The following CTXN2 variants were observed in gnomAD, a reference collection of about 807,000 sequenced individuals.
The protein encoded by CTXN2 is cortexin-2.
CTXN2 carries 3 observed loss-of-function variants against 5.7 expected under a neutral mutation model. The observed-to-expected ratio is 0.53, with a 90% CI of 0.24 to 1.36. CTXN2 has a LOEUF of 1.36. Among genes scored for constraint, CTXN2 ranks in the 40% most tolerant of loss-of-function variants. The pLI is 0.17. For missense variants in CTXN2, 87 were observed against 93.0 expected, an observed-to-expected ratio of 0.94 and a Z score of 0.26; for synonymous variants, 38 against 36.4, an observed-to-expected ratio of 1.04 and a Z score of -0.16.
At chr15:48,195,524 C>A (rs887239555) in intron 1 of CTXN2, among the ~76,000 whole-genome samples, 3 of 152,114 alleles carry the variant, frequency 2.0e-5, no homozygotes, top group Admixed American at 6.6e-5. Context: ...TTCCCATACT[C>A]CCCCTTGCCT....
intron 1 of CTXN2, among the ~76,000 whole-genome samples, chr15:48,200,220 G>A (rs561441778): frequency 4.6e-5 from 7 of 152,168 alleles, no homozygotes; most frequent in African/African-American, 9.6e-5. Context: ...TCTATTATTC[G>A]CAGTTATTGG....
intron 1 of CTXN2, among the ~76,000 whole-genome samples, chr15:48,200,856 A>G (rs1387986648): frequency 6.6e-6 from 1 of 152,178 alleles, no homozygotes; most frequent in African/African-American, 2.4e-5. Context: ...AGCAGCTTAC[A>G]TGCTATGATT....
At chr15:48,200,636 T>C (rs527510244) in intron 1 of CTXN2, among the ~76,000 whole-genome samples, 1 of 152,302 alleles carries the variant, frequency 6.6e-6, no homozygotes, top group East Asian at 1.9e-4. Context: ...ACTGCCTGCA[T>C]TAATGTAATT....
At chr15:48,198,267 A>G (rs1392895371) in intron 1 of CTXN2, among the ~76,000 whole-genome samples, 1 of 152,138 alleles carries the variant, frequency 6.6e-6, no homozygotes, top group African/African-American at 2.4e-5. Flanking sequence ...AATCAAATAA[A>G]AATTTTCTTT....
At chr15:48,192,768 A>G (rs778760307) in intron 1 of CTXN2, among the ~76,000 whole-genome samples, 3 of 152,212 alleles carry the variant, frequency 2.0e-5, no homozygotes, top group African/African-American at 4.8e-5. Context: ...ATTGTTTGGA[A>G]TACCATTACT....
At chr15:48,192,237 A>T (rs571219714) in intron 1 of CTXN2, 2 of 162,736 alleles carry the variant, frequency 1.2e-5, no homozygotes, top group Non-Finnish European at 2.7e-5. Flanking sequence ...CTTTAATGAG[A>T]TATCTGGAGA....
chr15:48,192,941 A>G (rs902775631), intron 1 of CTXN2, among the ~76,000 whole-genome samples: 1 of 152,206 alleles, frequency 6.6e-6, no homozygotes, highest in Non-Finnish European at 1.5e-5. Context: ...TAGTAAGGTT[A>G]TTTCACAGAA....
chr15:48,190,792 G>A (rs937167511), upstream of CTXN2: 11 of 152,264 alleles, frequency 7.2e-5, no homozygotes, highest in African/African-American at 2.6e-4. Flanking sequence ...TTGTTGAAAC[G>A]GCCAGACCCC....
chr15:48,185,969 TA>T (rs1465441163), intron 1 of CTXN2, among the ~76,000 whole-genome samples: 2 of 152,224 alleles, frequency 1.3e-5, no homozygotes, highest in African/African-American at 4.8e-5. Context: ...ATTTGCCAAT[TA>T]TTTTTTAACT....
In CTXN2 at chr15:48,203,025, G is replaced by A. The variant is rs1052168708; in HGVS notation, c.*1479G>A. 4.2e-5 allele frequency: 7 copies of A among 166,884 alleles called. No individual in the cohort carries two copies. The highest frequency in any genetic ancestry group is 7.3e-5 in the Non-Finnish European group (5 of 68,110). 10.3% of individuals were successfully genotyped at this position (166,884 alleles called of 1,614,324 possible). On this transcript the variant is annotated 3_prime_UTR_variant, in exon 2 of 2. Coordinates refer to ENST00000417307, the MANE Select transcript of CTXN2 (RefSeq NM_001145668.2). ...TATTTGATACTCTTATAAATTCTTTGAGTTGGAGACTACTATTTCCATTTT... is the reference window on the plus strand; with the variant it reads ...TATTTGATACTCTTATAAATTCTTTAAGTTGGAGACTACTATTTCCATTTT...
intron 1 of CTXN2, among the ~76,000 whole-genome samples, chr15:48,200,887 C>T (rs1020773500): frequency 7.2e-5 from 11 of 152,070 alleles, no homozygotes; most frequent in African/African-American, 2.4e-4. Context: ...TCTACCTACA[C>T]GTGCAAATAT....
intron 1 of CTXN2, among the ~76,000 whole-genome samples, chr15:48,179,290 A>G (rs777737915): frequency 4.6e-5 from 7 of 152,182 alleles, no homozygotes; most frequent in Admixed American, 4.6e-4. Flanking sequence ...TCATACACAC[A>G]TCAGTGGTAA....
At chr15:48,198,180 T>G (rs1567295116) in intron 1 of CTXN2, among the ~76,000 whole-genome samples, 1 of 152,150 alleles carries the variant, frequency 6.6e-6, no homozygotes, top group African/African-American at 2.4e-5. Context: ...TAAGTAAATT[T>G]GATAGAAAAG....
At chr15:48,188,167 TAAAAG>T (rs754155213), upstream of CTXN2, among the ~76,000 whole-genome samples, 8 of 151,858 alleles carry the variant, frequency 5.3e-5, no homozygotes, top group Non-Finnish European at 1.2e-4. Flanking sequence ...AACAAATAAT[TAAAAG>T]AAAATAATAT....
intron 1 of CTXN2, among the ~76,000 whole-genome samples, chr15:48,195,390 A>C (rs1267325048): frequency 6.6e-6 from 1 of 151,938 alleles, no homozygotes; most frequent in African/African-American, 2.4e-5. Context: ...TCTCCCTCAA[A>C]ATTATGTCTA....
In CTXN2 at chr15:48,201,224, G is replaced by A; in HGVS notation, c.-57-20G>A. On this transcript the variant is annotated intron_variant, in intron 1 of 1. Transcript: ENST00000417307. The stretch of plus-strand genomic sequence containing the variant: ...TACCATACAAGGGTAAAACTAAACT[G>A]AGTCCAATTTTGTACCTAGGCAAAG... 6.7e-6 allele frequency: 10 copies of A among 1,481,642 alleles called. No homozygotes were observed. The highest frequency in any genetic ancestry group is 1.4e-5 in the African/African-American group (1 of 71,354). 91.8% of individuals were successfully genotyped at this position (1,481,642 alleles called of 1,614,324 possible). A position where few individuals can be genotyped will look rare whatever the true frequency, so the allele number is the denominator to read the frequency against.
intron 1 of CTXN2, 189 bp downstream of exon 1, chr15:48,192,042 C>T (rs1046221155): frequency 8.8e-6 from 3 of 339,286 alleles, no homozygotes; most frequent in African/African-American, 6.5e-5. Flanking sequence ...AAAGGAGAAA[C>T]AGCACCCCTA....
intron 1 of CTXN2, among the ~76,000 whole-genome samples, chr15:48,196,081 T>G (rs2040876440): frequency 6.6e-6 from 1 of 152,142 alleles, no homozygotes; most frequent in African/African-American, 2.4e-5. Flanking sequence ...GTTATTACTT[T>G]CTATCATTTG....
At chr15:48,180,570 G>A (rs938448932) in intron 1 of CTXN2, among the ~76,000 whole-genome samples, 2 of 152,160 alleles carry the variant, frequency 1.3e-5, no homozygotes, top group African/African-American at 4.8e-5. Context: ...GGAGTGCAGT[G>A]GCGCCATCTC....
Sources: allele counts gnomAD v4.1 joint callset (sites outside exome capture counted in the v4.1 genomes callset), GRCh38; gene constraint gnomAD v4.1.1; transcripts MANE v1.5; gene names NCBI Gene and HGNC (gene_info 2026-07-23, HGNC 2026-07-21).